ADGRG2: variants seen among roughly 807,000 people sequenced by gnomAD.
The protein encoded by ADGRG2 is G protein-coupled receptor 64.
Under a neutral mutation model 74.1 loss-of-function variants are expected in ADGRG2, and 26 were observed. That is an observed-to-expected ratio of 0.35 (90% CI 0.26 to 0.49). The LOEUF (loss-of-function observed/expected upper bound fraction) is 0.49, where lower values mean the gene tolerates loss of function less well. ADGRG2 is among the 20% of genes least tolerant of loss of function. The pLI is 0.99. For missense variants in ADGRG2, 619 were observed against 763.1 expected, an observed-to-expected ratio of 0.81 and a Z score of 2.22; for synonymous variants, 296 against 295.2, an observed-to-expected ratio of 1.00 and a Z score of -0.03.
At chrX:19,088,058 C>A (rs2061961110) in intron 1 of ADGRG2, among the ~76,000 whole-genome samples, 1 of 111,560 alleles carries the variant, frequency 9.0e-6, no homozygotes, top group African/African-American at 3.3e-5. Context: ...GGTGAGGCAA[C>A]CACCAACTCT....
intron 1 of ADGRG2, among the ~76,000 whole-genome samples, chrX:19,087,199 C>T (rs2061948199): frequency 8.9e-6 from 1 of 112,015 alleles, no homozygotes; most frequent in South Asian, 3.7e-4. Context: ...TGAATGCCAC[C>T]ACTCAAGAGG....
At chrX:18,995,433 T>A (rs978226751) in intron 27 of ADGRG2, among the ~76,000 whole-genome samples, 6 of 111,787 alleles carry the variant, frequency 5.4e-5, no homozygotes, top group Admixed American at 9.5e-5. Flanking sequence ...GTACTGCCAT[T>A]TTCTGAATAC....
At chrX:19,061,395 G>A (rs746259595) in intron 3 of ADGRG2, among the ~76,000 whole-genome samples, 232 of 112,089 alleles carry the variant, frequency 2.1e-3, no homozygotes, top group Non-Finnish European at 3.8e-3. Context: ...TCTAGGACCT[G>A]AATGATGTCT....
chrX:19,107,848 C>A (rs1265125104), intron 1 of ADGRG2, among the ~76,000 whole-genome samples: 1 of 109,134 alleles, frequency 9.2e-6, no homozygotes, highest in Non-Finnish European at 1.9e-5. Flanking sequence ...CGTCTGTAAT[C>A]CCAGCACTTT....
At chrX:19,045,291 G>GTTATTATTATTATTA (rs1378271642) in intron 3 of ADGRG2, among the ~76,000 whole-genome samples, 3 of 49,576 alleles carry the variant, frequency 6.1e-5, no homozygotes, top group South Asian at 8.8e-4. Context: ...AATGGGGGGT[G>GTTATTATTATTATTA]TTGTTATTAT....
At chrX:19,001,689 A>G (rs2060135042) in intron 24 of ADGRG2, among the ~76,000 whole-genome samples, 1 of 111,799 alleles carries the variant, frequency 8.9e-6, no homozygotes, top group Non-Finnish European at 1.9e-5. Flanking sequence ...TCACAAAGAC[A>G]TAGTGACATA....
rs148547399 is a variant in ADGRG2 at position 19,108,597 on chromosome X, C to T, written c.-47+13845G>A. Among the ~76,000 whole-genome samples the T allele has an allele frequency of 5.0e-3, 556 of 112,030 alleles. 4 individuals carry two copies. Among genetic ancestry groups the T allele is most frequent in the African/African-American group, 0.017 (521 of 30,845 alleles). ...GAATATTATTCGGCAGTGACAATCACCCAACTATAACCACATGCAACGATA... is the reference window on the plus strand; with the variant it reads ...GAATATTATTCGGCAGTGACAATCATCCAACTATAACCACATGCAACGATA... On this transcript the variant is annotated intron_variant, in intron 1 of 28. Coordinates refer to ENST00000379869, the MANE Select transcript of ADGRG2 (RefSeq NM_001079858.3).
At chrX:19,092,462 A>T (rs1438369586) in intron 1 of ADGRG2, among the ~76,000 whole-genome samples, 1 of 110,010 alleles carries the variant, frequency 9.1e-6, no homozygotes, top group Non-Finnish European at 1.9e-5. Flanking sequence ...GCTTGGAGTC[A>T]GGTGTCTGGA....
At chrX:19,046,310 C>G (rs141909016) in intron 3 of ADGRG2, among the ~76,000 whole-genome samples, 38 of 112,457 alleles carry the variant, frequency 3.4e-4, no homozygotes, top group African/African-American at 1.1e-3. Flanking sequence ...CTAAAGCATG[C>G]CCTGGTTACA....
chrX:19,009,180 CTT>C (rs768125023), intron 18 of ADGRG2, among the ~76,000 whole-genome samples: 8 of 99,408 alleles, frequency 8.0e-5, no homozygotes, highest in East Asian at 3.1e-4. Flanking sequence ...AGACCAACGT[CTT>C]TTTTTTTTTT....
chrX:19,030,875 G>A, intron 9 of ADGRG2, 109 bp downstream of exon 9: 2 of 497,828 alleles, frequency 4.0e-6, no homozygotes, highest in South Asian at 9.7e-5. Context: ...GGCATGAAAA[G>A]AGGCAGCTCC....
At chrX:19,012,418 T>G (rs1297650975) in intron 16 of ADGRG2, among the ~76,000 whole-genome samples, 1 of 110,969 alleles carries the variant, frequency 9.0e-6, no homozygotes, top group Admixed American at 9.7e-5. Flanking sequence ...TCAATTTTAC[T>G]GTATTCTTCA....
chrX:19,014,863 C>T (rs1326041880), intron 15 of ADGRG2, among the ~76,000 whole-genome samples: 2 of 111,658 alleles, frequency 1.8e-5, no homozygotes, highest in African/African-American at 3.3e-5. Flanking sequence ...GAACTCCTGA[C>T]CTCCGATGAT....
At chrX:19,055,029 G>A (rs1436046603) in intron 3 of ADGRG2, among the ~76,000 whole-genome samples, 4 of 111,959 alleles carry the variant, frequency 3.6e-5, no homozygotes, top group Non-Finnish European at 5.6e-5. Flanking sequence ...AATAAGCGAC[G>A]TGGGGCTCAG....
chrX:19,088,697 T>C (rs2061970390), intron 1 of ADGRG2, among the ~76,000 whole-genome samples: 1 of 110,969 alleles, frequency 9.0e-6, no homozygotes, highest in Admixed American at 9.7e-5. Flanking sequence ...CTCCAACTCC[T>C]GGGGTCAAGC....
rs773961693 is a variant in ADGRG2, at chrX:19,053,263, C to T, written c.119-13039G>A. Among the ~76,000 whole-genome samples the T allele has an allele frequency of 2.2e-3, 239 of 111,075 alleles. 1 individual carries two copies. The highest frequency in any genetic ancestry group is 6.7e-3 in the African/African-American group (205 of 30,594). ...CTACAGGGGTACATTGGGCAAGACA[C>T]GATGAGGACTTGAACCCATGCTTGG... On this transcript the variant is annotated intron_variant, in intron 3 of 28. Coordinates refer to ENST00000379869, the MANE Select transcript of ADGRG2 (RefSeq NM_001079858.3).
intron 3 of ADGRG2, among the ~76,000 whole-genome samples, chrX:19,049,897 G>A (rs1451598892): frequency 8.9e-6 from 1 of 111,824 alleles, no homozygotes; most frequent in Non-Finnish European, 1.9e-5. Flanking sequence ...AGCAAGAGTC[G>A]CTTGTGGGAG....
chrX:18,995,200 G>A (rs1292978271), intron 27 of ADGRG2, 152 bp from the exon 28 acceptor site: 8 of 408,960 alleles, frequency 2.0e-5, no homozygotes, highest in African/African-American at 1.5e-4. Flanking sequence ...GTGATAACAT[G>A]TATTTTCATT....
intron 1 of ADGRG2, among the ~76,000 whole-genome samples, chrX:19,117,395 C>G (rs1267204578): frequency 9.0e-6 from 1 of 111,301 alleles, no homozygotes; most frequent in Non-Finnish European, 1.9e-5. Context: ...CTAGAAAAAG[C>G]TACCTTGTTT....
Sources: allele counts gnomAD v4.1 joint callset (sites outside exome capture counted in the v4.1 genomes callset), GRCh38; gene constraint gnomAD v4.1.1; transcripts MANE v1.5; gene names NCBI Gene and HGNC (gene_info 2026-07-23, HGNC 2026-07-21).